Variants in OTUD3 observed in about 807,000 individuals in gnomAD.
The protein encoded by OTUD3 is OTU domain-containing protein 3.
OTUD3 carries 24 observed loss-of-function variants against 46.2 expected under a neutral mutation model. The ratio of observed to expected loss-of-function variants is 0.52; its 90% CI spans 0.38 to 0.73. The LOEUF (loss-of-function observed/expected upper bound fraction) is 0.73. Ranked by LOEUF, OTUD3 falls within the 30% of genes least tolerant of loss-of-function variation. The pLI is 0.00. For missense variants in OTUD3, 455 were observed against 523.3 expected, an observed-to-expected ratio of 0.87 and a Z score of 1.27; for synonymous variants, 189 against 195.4, an observed-to-expected ratio of 0.97 and a Z score of 0.27.
At chr1:19,893,061 T>C (rs934646845) in intron 2 of OTUD3, among the ~76,000 whole-genome samples, 1 of 152,208 alleles carries the variant, frequency 6.6e-6, no homozygotes, top group Non-Finnish European at 1.5e-5. Context: ...ATTTCTCCTG[T>C]CTTAACTCTT....
At chr1:19,888,210 A>G (rs949604503) in intron 1 of OTUD3, among the ~76,000 whole-genome samples, 1 of 152,372 alleles carries the variant, frequency 6.6e-6, no homozygotes. Context: ...TGCACAGGAC[A>G]GCCTCCCACA....
chr1:19,888,892 C>G (rs67232356), intron 1 of OTUD3, among the ~76,000 whole-genome samples: 2 of 152,112 alleles, frequency 1.3e-5, no homozygotes, highest in African/African-American at 4.8e-5. Flanking sequence ...ATATACAGTT[C>G]TACACCTACT....
chr1:19,888,238 G>A (rs189216373), intron 1 of OTUD3, among the ~76,000 whole-genome samples: 364 of 152,322 alleles, frequency 2.4e-3, no homozygotes, highest in Non-Finnish European at 4.0e-3. Flanking sequence ...AATGATCCTG[G>A]AATGTCAATA....
chr1:19,901,575 C>T (rs932844548), intron 4 of OTUD3, among the ~76,000 whole-genome samples: 1 of 152,154 alleles, frequency 6.6e-6, no homozygotes, highest in Admixed American at 6.5e-5. Flanking sequence ...CAGTGGTACT[C>T]AGTACATCTG....
rs2045739234 is a variant in OTUD3 at position 19,911,991 on chromosome 1, G to A, written c.*4245G>A. On this transcript the variant is annotated 3_prime_UTR_variant, in exon 8 of 8. Transcript: ENST00000375120. Reference sequence around the variant, plus strand: ...GCTTTGTAGAGTCCCTCTCTTTACTGTCCTCGTTAGGACTGTTTTGTGGTT... The same window carrying A: ...GCTTTGTAGAGTCCCTCTCTTTACTATCCTCGTTAGGACTGTTTTGTGGTT... 1 of 152,376 alleles carries A rather than the reference G, an allele frequency of 6.6e-6. No individual in the cohort carries two copies. 9.4% of individuals were successfully genotyped at this position (152,376 alleles called of 1,614,324 possible). A position where few individuals can be genotyped will look rare whatever the true frequency, so the allele number is the denominator to read the frequency against.
chr1:19,886,040 G>A (rs1557672832), intron 1 of OTUD3, among the ~76,000 whole-genome samples: 1 of 152,042 alleles, frequency 6.6e-6, no homozygotes, highest in East Asian at 1.9e-4. Context: ...GAGCTACTTA[G>A]AGGGTTTTGT....
At chr1:19,882,804 C>G in intron 1 of OTUD3, 70 bp downstream of exon 1, 5 of 1,222,680 alleles carry the variant, frequency 4.1e-6, no homozygotes, top group Non-Finnish European at 5.2e-6. Flanking sequence ...GACCGTTGCC[C>G]GCTCGCGTCC....
At chr1:19,883,393 T>C (rs2045304287) in intron 1 of OTUD3, among the ~76,000 whole-genome samples, 1 of 151,948 alleles carries the variant, frequency 6.6e-6, no homozygotes, top group African/African-American at 2.4e-5. Context: ...GAAAATTAGC[T>C]TCAAGAAAGG....
Position 19,912,832 on chromosome 1 carries a change from T to C in OTUD3, c.*5086T>C, listed in dbSNP as rs1347525338. 1 of 152,404 alleles carries C rather than the reference T, an allele frequency of 6.6e-6. No individual in the cohort carries two copies. Among genetic ancestry groups the C allele is most frequent in the East Asian group, 1.9e-4 (1 of 5,344 alleles). 9.4% of individuals were successfully genotyped at this position (152,404 alleles called of 1,614,324 possible). On this transcript the variant is annotated 3_prime_UTR_variant, in exon 8 of 8. Coordinates refer to ENST00000375120, the MANE Select transcript of OTUD3 (RefSeq NM_015207.2). The stretch of plus-strand genomic sequence containing the variant: ...TGCAGTGTTTTCAAAACCAAATGTT[T>C]CTTTTTTTGTGTTTTTAATCTTCGA...
rs1557678411 is a variant in OTUD3 at position 19,897,562 on chromosome 1, G to C, written c.506G>C (p.Ser169Thr). 6.2e-7 allele frequency: 1 copy of C among 1,614,064 alleles called. No individual in the cohort carries two copies. Among genetic ancestry groups the C allele is most frequent in the African/African-American group, 1.3e-5 (1 of 75,028 alleles). Residue 169 changes from serine to threonine, a missense_variant, in exon 4 of 8, where the codon AGC becomes ACC. Physicochemically the swap from Ser to Thr is moderately conservative, Grantham distance 58. Transcript: ENST00000375120. ...CAGATTCGTGGTACAGAGAAAAGCA[G>C]CGTGAGGGAGTTACACATCGCATAT... ...LWQIRGTEKS[S>T]VRELHIAYRY... is the part of the protein sequence containing the mutation.
chr1:19,887,380 G>A (rs1051189187), intron 1 of OTUD3, among the ~76,000 whole-genome samples: 3 of 152,034 alleles, frequency 2.0e-5, no homozygotes, highest in Non-Finnish European at 2.9e-5. Context: ...CACCGCACCC[G>A]GCTGATGATC....
Position 19,904,308 on chromosome 1 carries a change from G to A in OTUD3, c.648G>A (p.Lys216=), listed in dbSNP as rs756714388. 88 of 1,610,760 alleles carry A rather than the reference G, an allele frequency of 5.5e-5. 1 individual carries two copies. Among genetic ancestry groups the A allele is most frequent in the South Asian group, 2.2e-4 (20 of 90,552 alleles). ...AAGATGAATCAAATAAAAGAGAAAA[G>A]ATCAAGACAAAGGGAATGGACTCTG... is the stretch of plus-strand genomic sequence containing the variant. ...LHQDESNKRE[K]IKTKGMDSED... Residue 216 remains lysine, a synonymous_variant, in exon 5 of 8, where the codon AAG becomes AAA. Coordinates refer to ENST00000375120, the MANE Select transcript of OTUD3 (RefSeq NM_015207.2).
At chr1:19,904,610 G>A (rs1244504376) in intron 5 of OTUD3, among the ~76,000 whole-genome samples, 1 of 152,182 alleles carries the variant, frequency 6.6e-6, no homozygotes, top group Non-Finnish European at 1.5e-5. Flanking sequence ...ACTGCTCAAA[G>A]GTCTTAGGAA....
At position 19,910,952 on chromosome 1, in the gene OTUD3, A is replaced by G. The variant is rs1239259807; in HGVS notation, c.*3206A>G. On this transcript the variant is annotated 3_prime_UTR_variant, in exon 8 of 8. Coordinates refer to ENST00000375120, the MANE Select transcript of OTUD3 (RefSeq NM_015207.2). ...CTGTAGTCAATGTGCAATTTCTCTAATTCTGAGAAACTCTGTAGACTCTGC... is the reference window on the plus strand; with the variant it reads ...CTGTAGTCAATGTGCAATTTCTCTAGTTCTGAGAAACTCTGTAGACTCTGC... 6.6e-6 allele frequency: 1 copy of G among 152,370 alleles called. No individual in the cohort carries two copies. Among genetic ancestry groups the G allele is most frequent in the Non-Finnish European group, 1.5e-5 (1 of 68,072 alleles). 9.4% of individuals were successfully genotyped at this position (152,370 alleles called of 1,614,324 possible).
intron 6 of OTUD3, 106 bp from the exon 7 acceptor site, chr1:19,906,326 C>A: frequency 1.0e-6 from 1 of 954,936 alleles, no homozygotes; most frequent in East Asian, 2.7e-5. Context: ...ACTTACTTCC[C>A]TTATGACTGA....
intron 4 of OTUD3, among the ~76,000 whole-genome samples, chr1:19,898,744 A>T (rs919182152): frequency 1.3e-3 from 202 of 152,020 alleles, no homozygotes; most frequent in Non-Finnish European, 2.5e-3. Flanking sequence ...AAAAAAAAAA[A>T]TTAGCATTAT....
intron 7 of OTUD3, among the ~76,000 whole-genome samples, chr1:19,907,352 AGAATG>A (rs1463952759): frequency 2.6e-5 from 4 of 152,266 alleles, no homozygotes; most frequent in African/African-American, 9.6e-5. Flanking sequence ...CTTTAAGAGA[AGAATG>A]GAATTGATTT....
chr1:19,882,802 C>T (rs2045289469), intron 1 of OTUD3, 68 bp downstream of exon 1: 4 of 1,226,246 alleles, frequency 3.3e-6, no homozygotes, highest in Non-Finnish European at 3.1e-6. Context: ...GCGACCGTTG[C>T]CCGCTCGCGT....
intron 7 of OTUD3, among the ~76,000 whole-genome samples, chr1:19,907,112 C>G (rs559557642): frequency 2.0e-5 from 3 of 152,300 alleles, no homozygotes; most frequent in African/African-American, 7.2e-5. Context: ...TTCACTCCCA[C>G]AAGTAGTATG....
Sources: gnomAD v4.1 joint callset for allele counts (sites outside exome capture counted in the v4.1 genomes callset) on GRCh38, gnomAD v4.1.1 for gene constraint, MANE v1.5 for transcripts, NCBI Gene and HGNC (gene_info 2026-07-23, HGNC 2026-07-21) for gene names.